The following ARSB variants were observed in gnomAD, a reference collection of about 807,000 sequenced individuals.
ARSB encodes N-acetylgalactosamine-4-sulfatase.
Under a neutral mutation model 50.9 loss-of-function variants are expected in ARSB, and 41 were observed. The observed-to-expected ratio is 0.81, with a 90% confidence interval of 0.63 to 1.04. The LOEUF (loss-of-function observed/expected upper bound fraction) is 1.04, where lower values mean the gene tolerates loss of function less well. ARSB is among the 50% of genes least tolerant of loss of function. The pLI is 0.00. For synonymous variants in ARSB, 269 were observed against 284.8 expected (o/e 0.94, Z 0.56); for missense variants, 672 against 693.3 (o/e 0.97, Z 0.35).
At position 78,802,956 on chromosome 5, in the gene ARSB, A is replaced by T. The variant is rs141616931; in HGVS notation, c.1214-20982T>A. Among the ~76,000 whole-genome samples the T allele has an allele frequency of 4.6e-5, 7 of 152,336 alleles. No individual in the cohort carries two copies. In the East Asian group the frequency reaches 9.6e-4, roughly 21 times the overall value. On this transcript the variant is annotated intron_variant, in intron 6 of 7. Coordinates refer to ENST00000264914, the MANE Select transcript of ARSB (RefSeq NM_000046.5). ...TTGTGAAGGTCTCATAATGGACTTA[A>T]ATGAACCAATGTCTCCTAAGATCTC...
chr5:78,924,620 C>T (rs768070980), intron 4 of ARSB, among the ~76,000 whole-genome samples: 15 of 152,148 alleles, frequency 9.9e-5, no homozygotes, highest in African/African-American at 2.4e-4. Context: ...GGTACATTTC[C>T]GTATCAGTCA....
chr5:78,834,191 T>C (rs912671532), intron 6 of ARSB, among the ~76,000 whole-genome samples: 6 of 152,216 alleles, frequency 3.9e-5, no homozygotes, highest in African/African-American at 1.4e-4. Flanking sequence ...CCTATTCTCA[T>C]GCAGTTTCTC....
At chr5:78,784,577 G>T (rs569566225) in intron 6 of ARSB, among the ~76,000 whole-genome samples, 1 of 152,150 alleles carries the variant, frequency 6.6e-6, no homozygotes, top group African/African-American at 2.4e-5. Flanking sequence ...TCCTGAGCAG[G>T]TATAGGACCA....
At chr5:78,785,787 A>C (rs773048554) in intron 6 of ARSB, among the ~76,000 whole-genome samples, 2 of 152,208 alleles carry the variant, frequency 1.3e-5, no homozygotes, top group African/African-American at 4.8e-5. Flanking sequence ...ATTATAGGTA[A>C]GACCTGTAAG....
intron 1 of ARSB, among the ~76,000 whole-genome samples, chr5:78,975,174 G>A (rs1033126426): frequency 2.0e-5 from 3 of 152,222 alleles, no homozygotes; most frequent in Admixed American, 6.5e-5. Context: ...CCACTGGCAG[G>A]AGTCCACTGA....
At chr5:78,854,311 T>C (rs536780960) in intron 5 of ARSB, among the ~76,000 whole-genome samples, 18 of 152,368 alleles carry the variant, frequency 1.2e-4, no homozygotes, top group South Asian at 6.2e-4. Context: ...TTGAGATACA[T>C]TGCTACGTTG....
At chr5:78,830,754 A>AG (rs1744634572) in intron 6 of ARSB, among the ~76,000 whole-genome samples, 1 of 152,214 alleles carries the variant, frequency 6.6e-6, no homozygotes. Context: ...AAAATTAAAA[A>AG]GGAGAAAGCT....
At position 78,955,360 on chromosome 5, in the gene ARSB, C is replaced by T. The variant is rs757387778; in HGVS notation, c.833G>A (p.Gly278Glu). 1.2e-6 allele frequency: 2 copies of T among 1,614,168 alleles called. No individual in the cohort carries two copies. The highest frequency in any genetic ancestry group is 1.7e-5 in the Admixed American group (1 of 60,024). Reference protein sequence around the residue: ...GMVSLMDEAVGNVTAALKSSG... With the variant: ...GMVSLMDEAVENVTAALKSSG... ...GCTTTTTAAAGCTGCAGTGACATTT[C>T]CTACTGCTTCATCCATAAGGGACAC... The change falls in exon 4 of 8, where the codon GGA becomes GAA. Residue 278 changes from glycine (G) to glutamate (E), a missense_variant. Physicochemically the swap from Gly to Glu is moderately conservative, Grantham distance 98. Transcript: ENST00000264914.
chr5:78,823,958 G>C (rs192807635), intron 6 of ARSB, among the ~76,000 whole-genome samples: 3 of 152,120 alleles, frequency 2.0e-5, no homozygotes, highest in Admixed American at 6.5e-5. Flanking sequence ...ATGTTGGAGG[G>C]GGGGCACAGT....
intron 5 of ARSB, among the ~76,000 whole-genome samples, chr5:78,842,530 T>C (rs1044955912): frequency 1.3e-5 from 2 of 152,102 alleles, no homozygotes; most frequent in African/African-American, 4.8e-5. Flanking sequence ...AAGCTGGACA[T>C]GGGTACACAG....
At chr5:78,902,796 G>C (rs979682819) in intron 4 of ARSB, among the ~76,000 whole-genome samples, 2 of 152,158 alleles carry the variant, frequency 1.3e-5, no homozygotes, top group African/African-American at 4.8e-5. Flanking sequence ...AAGGGGTAGA[G>C]AATTTCTTGT....
chr5:78,879,993 A>C (rs1028458379), intron 5 of ARSB, among the ~76,000 whole-genome samples: 1 of 151,600 alleles, frequency 6.6e-6, no homozygotes, highest in Non-Finnish European at 1.5e-5. Context: ...AAAAAAAAAG[A>C]AAGCCCATTA....
chr5:78,933,531 T>C (rs1750440549), intron 4 of ARSB, among the ~76,000 whole-genome samples: 1 of 150,188 alleles, frequency 6.7e-6, no homozygotes, highest in Non-Finnish European at 1.5e-5. Flanking sequence ...ATAGAGTCGC[T>C]ATTGTCTGTT....
At chr5:78,968,503 C>T (rs747777616) in intron 2 of ARSB, among the ~76,000 whole-genome samples, 1 of 151,924 alleles carries the variant, frequency 6.6e-6, no homozygotes, top group Non-Finnish European at 1.5e-5. Flanking sequence ...CAAGTGCCAC[C>T]ATGCCCGGTT....
chr5:78,825,554 T>C (rs1286296016), intron 6 of ARSB, among the ~76,000 whole-genome samples: 1 of 152,208 alleles, frequency 6.6e-6, no homozygotes, highest in African/African-American at 2.4e-5. Flanking sequence ...TCAAGTACTA[T>C]ATTCTAACTT....
chr5:78,872,382 C>T (rs1172620854), intron 5 of ARSB, among the ~76,000 whole-genome samples: 1 of 141,800 alleles, frequency 7.1e-6, no homozygotes, highest in East Asian at 2.0e-4. Context: ...TTTATTGTGG[C>T]ATTATTCACA....
chr5:78,884,717 TTA>T (rs1747926611), intron 5 of ARSB: 1 of 151,244 alleles, frequency 6.6e-6, no homozygotes. Context: ...TACTAATATA[TTA>T]TGTGTCTTAA....
chr5:78,968,535 G>A (rs1485141356), intron 2 of ARSB, among the ~76,000 whole-genome samples: 2 of 151,842 alleles, frequency 1.3e-5, no homozygotes, highest in Non-Finnish European at 1.5e-5. Context: ...ATTTTTAGTA[G>A]AGACAGAGTT....
intron 4 of ARSB, among the ~76,000 whole-genome samples, chr5:78,917,034 C>A (rs1403785728): frequency 6.6e-6 from 1 of 152,146 alleles, no homozygotes; most frequent in Non-Finnish European, 1.5e-5. Flanking sequence ...AAACCAAACA[C>A]TGTGATGGGG....
Sources: gnomAD v4.1 joint callset for allele counts (sites outside exome capture counted in the v4.1 genomes callset) on GRCh38, gnomAD v4.1.1 for gene constraint, MANE v1.5 for transcripts, NCBI Gene and HGNC (gene_info 2026-07-23, HGNC 2026-07-21) for gene names.